FOXJ3: variants seen among roughly 807,000 people sequenced by gnomAD.
FOXJ3 encodes the protein forkhead box J3, also known as forkhead box protein J3.
In FOXJ3, 22 loss-of-function variants were observed where a neutral mutation model predicts 76.1. The observed-to-expected ratio is 0.29, with a 90% CI of 0.21 to 0.41. The LOEUF (loss-of-function observed/expected upper bound fraction) is 0.41, where lower values mean the gene tolerates loss of function less well. Ranked by LOEUF, FOXJ3 falls within the 10% of genes least tolerant of loss-of-function variation. The pLI is 1.00. For missense variants in FOXJ3, 613 were observed against 762.1 expected (o/e 0.80, Z 2.30); for synonymous variants, 269 against 261.2 (o/e 1.03, Z -0.29).
intron 7 of FOXJ3, 141 bp from the exon 8 acceptor site, chr1:42,195,205 T>C: frequency 3.4e-6 from 2 of 581,534 alleles, no homozygotes; most frequent in East Asian, 3.2e-5. Flanking sequence ...TCCCATCCTC[T>C]GTTAAAGCAT....
At chr1:42,328,976 A>G (rs1656001328) in intron 1 of FOXJ3, among the ~76,000 whole-genome samples, 1 of 151,936 alleles carries the variant, frequency 6.6e-6, no homozygotes, top group Non-Finnish European at 1.5e-5. Flanking sequence ...CATTTTTCCT[A>G]TATTTTATCT....
At chr1:42,213,133 T>C (rs1462108009) in intron 5 of FOXJ3, among the ~76,000 whole-genome samples, 2 of 152,046 alleles carry the variant, frequency 1.3e-5, no homozygotes, top group African/African-American at 4.8e-5. Context: ...CCTGAAAGTA[T>C]AAATTTCACA....
intron 2 of FOXJ3, among the ~76,000 whole-genome samples, chr1:42,310,030 GT>G (rs1436648496): frequency 2.0e-5 from 3 of 151,992 alleles, no homozygotes; most frequent in African/African-American, 7.3e-5. Context: ...TAGATATTAT[GT>G]TTTTACCATC....
At chr1:42,313,642 G>C (rs1167813654) in intron 1 of FOXJ3, among the ~76,000 whole-genome samples, 2 of 152,168 alleles carry the variant, frequency 1.3e-5, no homozygotes, top group African/African-American at 4.8e-5. Flanking sequence ...CCAGGGTCCA[G>C]TGTGGACTGC....
intron 5 of FOXJ3, among the ~76,000 whole-genome samples, chr1:42,219,441 G>A (rs570066543): frequency 6.6e-6 from 1 of 152,296 alleles, no homozygotes; most frequent in African/African-American, 2.4e-5. Flanking sequence ...AGTACTATCT[G>A]GTTTCAGGCA....
chr1:42,201,657 C>T (rs538757233), intron 6 of FOXJ3, among the ~76,000 whole-genome samples: 1 of 152,304 alleles, frequency 6.6e-6, no homozygotes, highest in South Asian at 2.1e-4. Flanking sequence ...TACCTATGCT[C>T]ATGAGACTGG....
intron 5 of FOXJ3, 187 bp from the exon 6 acceptor site, chr1:42,206,050 C>T (rs986253780): frequency 7.6e-5 from 40 of 527,956 alleles, no homozygotes; most frequent in Admixed American, 1.4e-4. Context: ...ATTACAAAGT[C>T]CTTTGGTATG....
At chr1:42,308,914 T>G (rs1654628877) in intron 2 of FOXJ3, among the ~76,000 whole-genome samples, 1 of 144,720 alleles carries the variant, frequency 6.9e-6, no homozygotes, top group Non-Finnish European at 1.5e-5. Context: ...AATATATGAG[T>G]GTTTCAGCAT....
chr1:42,308,073 C>T (rs1229791018), intron 2 of FOXJ3, among the ~76,000 whole-genome samples: 1 of 152,156 alleles, frequency 6.6e-6, no homozygotes, highest in Non-Finnish European at 1.5e-5. Context: ...TTCACTTATA[C>T]ACAAATTGTC....
chr1:42,182,487 G>T (rs1296111659), intron 11 of FOXJ3, among the ~76,000 whole-genome samples: 1 of 152,112 alleles, frequency 6.6e-6, no homozygotes, highest in East Asian at 1.9e-4. Context: ...CTACAATCCA[G>T]ATCTCCTAAC....
intron 2 of FOXJ3, among the ~76,000 whole-genome samples, chr1:42,285,859 T>G (rs796790020): frequency 6.6e-6 from 1 of 152,360 alleles, no homozygotes; most frequent in African/African-American, 2.4e-5. Flanking sequence ...TGTTTTCCTA[T>G]TCCTTCTCCA....
chr1:42,252,460 A>C (rs866762424), intron 4 of FOXJ3, among the ~76,000 whole-genome samples: 2 of 152,076 alleles, frequency 1.3e-5, no homozygotes, highest in African/African-American at 2.4e-5. Context: ...CTGTGGGATC[A>C]GTGGTGATAT....
chr1:42,228,354 T>G (rs1231013694), intron 4 of FOXJ3, among the ~76,000 whole-genome samples: 1 of 152,160 alleles, frequency 6.6e-6, no homozygotes, highest in Non-Finnish European at 1.5e-5. Context: ...TCTACATGGT[T>G]AGTGAAACAT....
At chr1:42,323,526 A>G (rs553364701) in intron 1 of FOXJ3, among the ~76,000 whole-genome samples, 1 of 152,100 alleles carries the variant, frequency 6.6e-6, no homozygotes, top group East Asian at 1.9e-4. Context: ...CTATGCTCTC[A>G]GCCTAGAATG....
At position 42,288,449 on chromosome 1, in the gene FOXJ3, T is replaced by C. The variant is rs1653202486; in HGVS notation, c.45-9777A>G. 2.0e-5 allele frequency among the ~76,000 whole-genome samples: 3 copies of C among 152,344 alleles called. No homozygotes were observed. The South Asian group carries it at 6.2e-4, about 32-fold the overall frequency. On this transcript the variant is annotated intron_variant, in intron 2 of 12. Coordinates refer to ENST00000361346, the MANE Select transcript of FOXJ3 (RefSeq NM_014947.5). ...TACTGGATATTCTTTCATCAGTTTTTTTCTCTACTTCTGCTTCCATGGCAT... is the reference window on the plus strand; with the variant it reads ...TACTGGATATTCTTTCATCAGTTTTCTTCTCTACTTCTGCTTCCATGGCAT...
chr1:42,251,816 T>G (rs1164895656), intron 4 of FOXJ3, among the ~76,000 whole-genome samples: 1 of 149,352 alleles, frequency 6.7e-6, no homozygotes, highest in Non-Finnish European at 1.5e-5. Context: ...CCTCCCGGGT[T>G]CATGCCATTC....
At chr1:42,201,370 T>C (rs1316861542) in intron 6 of FOXJ3, among the ~76,000 whole-genome samples, 1 of 152,246 alleles carries the variant, frequency 6.6e-6, no homozygotes, top group Non-Finnish European at 1.5e-5. Context: ...GCATTTGCTA[T>C]ATGCTTCTTT....
chr1:42,192,675 G>T (rs1646573181), intron 8 of FOXJ3, among the ~76,000 whole-genome samples: 1 of 151,726 alleles, frequency 6.6e-6, no homozygotes, highest in Admixed American at 6.6e-5. Flanking sequence ...GCAACATTTG[G>T]TTCTATGTAA....
chr1:42,316,736 G>A (rs1655133482), intron 1 of FOXJ3, among the ~76,000 whole-genome samples: 1 of 152,098 alleles, frequency 6.6e-6, no homozygotes, highest in Non-Finnish European at 1.5e-5. Context: ...ACCAGACAAA[G>A]GTAAGAATTA....
Sources: allele counts gnomAD v4.1 joint callset (sites outside exome capture counted in the v4.1 genomes callset), GRCh38; gene constraint gnomAD v4.1.1; transcripts MANE v1.5; gene names NCBI Gene and HGNC (gene_info 2026-07-23, HGNC 2026-07-21).